Variants in USH2A observed in about 807,000 individuals in gnomAD.
USH2A encodes Usher syndrome 2A (autosomal recessive, mild).
Under a neutral mutation model 538.9 loss-of-function variants are expected in USH2A, and 443 were observed. The ratio of observed to expected loss-of-function variants is 0.82; its 90% CI spans 0.76 to 0.89. The LOEUF (loss-of-function observed/expected upper bound fraction) is 0.89, where lower values mean the gene tolerates loss of function less well. Among genes scored for constraint, USH2A ranks in the 40% least tolerant of loss-of-function variants. The pLI, the probability that USH2A is intolerant of heterozygous loss-of-function variation, is 0.00. For missense variants in USH2A, 6,633 were observed against 6,324.8 expected (o/e 1.05, Z -1.65); for synonymous variants, 2,413 against 2,273.5 (o/e 1.06, Z -1.75).
At chr1:215,702,394 G>A (rs898968623) in intron 61 of USH2A, among the ~76,000 whole-genome samples, 1 of 152,112 alleles carries the variant, frequency 6.6e-6, no homozygotes, top group African/African-American at 2.4e-5. Flanking sequence ...AGTTCTCCTT[G>A]ATAATATCCT....
chr1:215,810,807 C>T (rs754254806), intron 49 of USH2A, among the ~76,000 whole-genome samples: 54 of 152,092 alleles, frequency 3.6e-4, no homozygotes, highest in Non-Finnish European at 7.6e-4. Flanking sequence ...CAGTTTTCTA[C>T]AAAATCCTTA....
At chr1:215,847,483 T>G (rs189572413) in intron 44 of USH2A, among the ~76,000 whole-genome samples, 77 of 151,714 alleles carry the variant, frequency 5.1e-4, no homozygotes, top group African/African-American at 1.8e-3. Context: ...CATCTCTACA[T>G]GAAACACAAA....
chr1:216,247,322 C>CAAAA, intron 12 of USH2A, 96 bp from the exon 13 acceptor site: 3 of 1,472,596 alleles, frequency 2.0e-6, no homozygotes, highest in Non-Finnish European at 2.8e-6. Flanking sequence ...GATACGAACA[C>CAAAA]AAAATATTGA....
chr1:215,748,543 A>T (rs986160257), intron 58 of USH2A, among the ~76,000 whole-genome samples: 1 of 152,208 alleles, frequency 6.6e-6, no homozygotes, highest in Non-Finnish European at 1.5e-5. Flanking sequence ...CTCTGTTTTC[A>T]GACCTCCTGG....
At chr1:216,162,613 T>C (rs2034081359) in intron 21 of USH2A, among the ~76,000 whole-genome samples, 1 of 152,136 alleles carries the variant, frequency 6.6e-6, no homozygotes, top group Non-Finnish European at 1.5e-5. Flanking sequence ...CAGCCTTGGC[T>C]TTAGGCTTCA....
chr1:215,810,843 T>A (rs1473545447), intron 49 of USH2A, among the ~76,000 whole-genome samples: 1 of 152,216 alleles, frequency 6.6e-6, no homozygotes, highest in African/African-American at 2.4e-5. Flanking sequence ...TTACTTTTTC[T>A]TAAGTGGAAA....
chr1:215,675,630 G>C lies in USH2A; in HGVS notation c.12295-14C>G. On this transcript the variant is annotated splice_polypyrimidine_tract_variant and intron_variant, in intron 62 of 71. Coordinates refer to ENST00000307340, the MANE Select transcript of USH2A (RefSeq NM_206933.4). ...GATGTTGTATGTCTACAGAAGGACA[G>C]AAGCAAAAGGGATAACTTGCAGCAT... 1 of 1,614,090 alleles carries C rather than the reference G, an allele frequency of 6.2e-7. No individual in the cohort carries two copies. Among genetic ancestry groups the C allele is most frequent in the East Asian group, 2.2e-5 (1 of 44,878 alleles).
chr1:215,900,961 G>A, intron 38 of USH2A, 56 bp from the exon 39 acceptor site: 1 of 1,607,664 alleles, frequency 6.2e-7, no homozygotes, highest in African/African-American at 1.3e-5. Context: ...ACATATGCTG[G>A]ATGGAATCGA....
intron 60 of USH2A, among the ~76,000 whole-genome samples, chr1:215,733,064 T>C (rs1299926995): frequency 6.6e-6 from 1 of 152,048 alleles, no homozygotes; most frequent in Non-Finnish European, 1.5e-5. Flanking sequence ...TGGCTCACAG[T>C]CCTGCAGGGC....
At chr1:215,633,605 G>A (rs909114114) in intron 70 of USH2A, among the ~76,000 whole-genome samples, 10 of 152,106 alleles carry the variant, frequency 6.6e-5, no homozygotes, top group African/African-American at 2.2e-4. Flanking sequence ...CTTAATTTTA[G>A]TACTGCCTAG....
intron 37 of USH2A, among the ~76,000 whole-genome samples, chr1:215,958,602 T>A (rs1192741088): frequency 6.6e-6 from 1 of 151,952 alleles, no homozygotes; most frequent in African/African-American, 2.4e-5. Context: ...TGGGGAGCCA[T>A]CACATTTATA....
intron 4 of USH2A, among the ~76,000 whole-genome samples, chr1:216,344,638 C>T (rs1005490781): frequency 6.4e-4 from 98 of 151,984 alleles, no homozygotes; most frequent in African/African-American, 2.2e-3. Flanking sequence ...TATTGGCTGA[C>T]TCTGGGTAAG....
At chr1:216,086,941 C>T (rs2032153816) in intron 23 of USH2A, 121 bp from the exon 24 acceptor site, 2 of 736,504 alleles carry the variant, frequency 2.7e-6, no homozygotes, top group Non-Finnish European at 4.8e-6. Context: ...CCTCTCTCCT[C>T]ATTGCCTGTT....
At chr1:215,833,411 A>AT (rs1218935815) in intron 47 of USH2A, among the ~76,000 whole-genome samples, 1 of 151,982 alleles carries the variant, frequency 6.6e-6, no homozygotes, top group Non-Finnish European at 1.5e-5. Flanking sequence ...GTTTAAATTG[A>AT]TTTTTGACAA....
intron 61 of USH2A, among the ~76,000 whole-genome samples, chr1:215,694,278 C>T (rs1407804950): frequency 1.3e-5 from 2 of 152,106 alleles, no homozygotes; most frequent in African/African-American, 4.8e-5. Flanking sequence ...GAAAACAAGA[C>T]ATTCAAAATT....
intron 47 of USH2A, among the ~76,000 whole-genome samples, chr1:215,817,801 C>A (rs1451220268): frequency 6.6e-6 from 1 of 151,932 alleles, no homozygotes; most frequent in East Asian, 1.9e-4. Context: ...GGCATTGGTT[C>A]ACCAATGCCA....
chr1:215,969,078 C>T (rs1170975942), intron 36 of USH2A, among the ~76,000 whole-genome samples: 1 of 152,152 alleles, frequency 6.6e-6, no homozygotes, highest in Admixed American at 6.6e-5. Flanking sequence ...AAAAATATTT[C>T]ACAAACCAGT....
intron 19 of USH2A, among the ~76,000 whole-genome samples, chr1:216,192,287 G>C (rs1452052305): frequency 6.6e-6 from 1 of 152,064 alleles, no homozygotes; most frequent in Non-Finnish European, 1.5e-5. Context: ...ACTCAGGTCA[G>C]TTCAGATACA....
chr1:216,293,320 G>A (rs1407479492), intron 9 of USH2A, among the ~76,000 whole-genome samples: 1 of 152,080 alleles, frequency 6.6e-6, no homozygotes, highest in Non-Finnish European at 1.5e-5. Context: ...CACCGCACCC[G>A]GCCACTTCTT....
Sources: gnomAD v4.1 joint callset for allele counts (sites outside exome capture counted in the v4.1 genomes callset) on GRCh38, gnomAD v4.1.1 for gene constraint, MANE v1.5 for transcripts, NCBI Gene and HGNC (gene_info 2026-07-23, HGNC 2026-07-21) for gene names.